Variants in MSRB1 observed in about 807,000 individuals in gnomAD.
MSRB1 encodes methionine sulfoxide reductase B1, also known as methionine-R-sulfoxide reductase B1.
MSRB1 carries 13 observed loss-of-function variants against 15.2 expected under a neutral mutation model. The ratio of observed to expected loss-of-function variants is 0.86; its 90% CI spans 0.56 to 1.36. The LOEUF (loss-of-function observed/expected upper bound fraction) is 1.36. Ranked by LOEUF, MSRB1 falls within the 40% of genes most tolerant of loss-of-function variation. The pLI, the probability that MSRB1 is intolerant of heterozygous loss-of-function variation, is 0.00. For synonymous variants in MSRB1, 68 were observed against 64.5 expected (o/e 1.05, Z -0.26); for missense variants, 174 against 155.9 (o/e 1.12, Z -0.62).
At chr16:1,940,522 G>C (rs920507820) in intron 3 of MSRB1, among the ~76,000 whole-genome samples, 3 of 152,270 alleles carry the variant, frequency 2.0e-5, no homozygotes, top group African/African-American at 7.2e-5. Flanking sequence ...GGCCTCTGAG[G>C]AAAACCATTT....
At position 1,938,450 on chromosome 16, in the gene MSRB1, C is replaced by T. The variant is rs1376554170; in HGVS notation, c.*662G>A. 2.6e-5 allele frequency: 4 copies of T among 154,244 alleles called. No individual in the cohort carries two copies. The highest frequency in any genetic ancestry group is 2.6e-4 in the Admixed American group (4 of 15,630). The allele number at this position is 154,244 out of a possible 1,614,324, so 9.6% of individuals were successfully genotyped here. ...GGTTAGAGTTATGGAGCAACAGCCGCTTTCCTAAGCAGAAGTGAGGCAAGC... is the reference window on the plus strand; with the variant it reads ...GGTTAGAGTTATGGAGCAACAGCCGTTTTCCTAAGCAGAAGTGAGGCAAGC... On this transcript the variant is annotated 3_prime_UTR_variant, in exon 4 of 4. Coordinates refer to ENST00000361871, the MANE Select transcript of MSRB1 (RefSeq NM_016332.4).
In MSRB1 at chr16:1,939,106, G is replaced by A. The variant is rs2083058120; in HGVS notation, c.*6C>T. On this transcript the variant is annotated 3_prime_UTR_variant, in exon 4 of 4. Transcript: ENST00000361871. ...TGGCCGTCTGGGGTGGGTGTGGGCT[G>A]CCCGCCTAGTGACCCTGGGAGGCAG... The A allele has an allele frequency of 1.9e-6, 3 of 1,612,212 alleles. No homozygotes were observed. The highest frequency in any genetic ancestry group is 1.1e-5 in the South Asian group (1 of 91,024).
Position 1,940,704 on chromosome 16 carries a change from G to A in MSRB1, c.319+74C>T, listed in dbSNP as rs2083070855. 5.9e-6 allele frequency: 9 copies of A among 1,516,276 alleles called. No homozygotes were observed. In the Admixed American group the frequency reaches 7.9e-5, roughly 13 times the overall value. The allele number at this position is 1,516,276 out of a possible 1,614,324, so 93.9% of individuals were successfully genotyped here. ...ATACCTTGTCATGGTAAGTGGACAA[G>A]CACAAACACTGGGCCCCCCAGCCTG... On this transcript the variant is annotated intron_variant, in intron 3 of 3. Coordinates refer to ENST00000361871, the MANE Select transcript of MSRB1 (RefSeq NM_016332.4).
In MSRB1 at chr16:1,940,753, C is replaced by T. The variant is rs759116211; in HGVS notation, c.319+25G>A. On this transcript the variant is annotated intron_variant, in intron 3 of 3. Coordinates refer to ENST00000361871, the MANE Select transcript of MSRB1 (RefSeq NM_016332.4). ...TGGGCTCAAAGGCCAACAGGCCTGG[C>T]CCCAGCTGTGCAAAGCAAGCTCACC... The T allele has an allele frequency of 3.7e-6, 6 of 1,600,154 alleles. No individual in the cohort carries two copies. The Admixed American group carries it at 8.4e-5, about 22-fold the overall frequency.
intron 1 of MSRB1, chr16:1,941,756 C>T (rs928430850): frequency 1.2e-5 from 3 of 252,128 alleles, no homozygotes; most frequent in South Asian, 1.1e-4. Flanking sequence ...AGCTCCCCCT[C>T]GCCCCCCTAG....
chr16:1,943,071 T>G, intron 1 of MSRB1, 31 bp downstream of exon 1: 1 of 1,550,066 alleles, frequency 6.5e-7, no homozygotes, highest in Non-Finnish European at 8.7e-7. Context: ...CCCGCCGCGC[T>G]GCCCTCCCAG....
At chr16:1,940,634 T>C in intron 3 of MSRB1, 144 bp downstream of exon 3, 1 of 1,062,738 alleles carries the variant, frequency 9.4e-7, no homozygotes, top group Non-Finnish European at 1.3e-6. Context: ...GCCACCTTTC[T>C]GGGGGATCCT....
Position 1,943,179 on chromosome 16 carries a change from G to A in MSRB1, c.-23C>T. The stretch of plus-strand genomic sequence containing the variant: ...CATGGCGCCACCGGAACCGCAGCGC[G>A]CTTGCCGCTGCCAACTGACCAAAGG... On this transcript the variant is annotated 5_prime_UTR_variant, in exon 1 of 4. Transcript: ENST00000361871. 1 of 1,552,524 alleles carries A rather than the reference G, an allele frequency of 6.4e-7. No individual in the cohort carries two copies. The highest frequency in any genetic ancestry group is 8.7e-7 in the Non-Finnish European group (1 of 1,148,178).
At chr16:1,941,515 TA>T in intron 1 of MSRB1, 110 bp from the exon 2 acceptor site, 1 of 1,400,020 alleles carries the variant, frequency 7.1e-7, no homozygotes, top group Non-Finnish European at 9.5e-7. Context: ...GTTCCGAGGG[TA>T]GGCTGTGCTC....
At chr16:1,941,540 C>T in intron 1 of MSRB1, 135 bp from the exon 2 acceptor site, 1 of 1,264,234 alleles carries the variant, frequency 7.9e-7, no homozygotes, top group East Asian at 2.5e-5. Context: ...CCCCAGGCAC[C>T]CGCCACGGGA....
rs371957887 is a variant in MSRB1 at position 1,943,116 on chromosome 16, T to C, written c.41A>G (p.Asn14Ser). 1.7e-5 allele frequency: 26 copies of C among 1,560,930 alleles called. No homozygotes were observed. In the African/African-American group the frequency reaches 2.9e-4, roughly 17 times the overall value. Residue 14 changes from asparagine to serine, a missense_variant, in exon 1 of 4, where the codon AAT becomes AGT. By Grantham distance (46) the Asn-to-Ser change is conservative. Coordinates refer to ENST00000361871, the MANE Select transcript of MSRB1 (RefSeq NM_016332.4). ...CSFFGGEVFQ[N>S]HFEPGVYVCA... ...GCAGGACCAACCAGGTTCAAAGTGA[T>C]TCTGGAAAACCTCGCCCCCGAAGAA...
Position 1,943,143 on chromosome 16 carries a change from C to T in MSRB1, c.14G>A (p.Ser5Asn). ...CTGGAAAACCTCGCCCCCGAAGAAGCTGCAGAACGACATGGCGCCACCGGA... is the reference window on the plus strand; with the variant it reads ...CTGGAAAACCTCGCCCCCGAAGAAGTTGCAGAACGACATGGCGCCACCGGA... MSFCSFFGGEVFQNH... is the reference protein window; with the variant it reads MSFCNFFGGEVFQNH... Residue 5 changes from serine (S) to asparagine (N), a missense_variant, in exon 1 of 4, where the codon AGC (serine) becomes AAC (asparagine). Transcript: ENST00000361871. 6.4e-7 allele frequency: 1 copy of T among 1,562,130 alleles called. No individual in the cohort carries two copies. The highest frequency in any genetic ancestry group is 1.4e-5 in the African/African-American group (1 of 73,552).
In MSRB1 at chr16:1,941,276, T is replaced by A. The variant is rs201010715; in HGVS notation, c.185A>T (p.Asn62Ile). 4.3e-6 allele frequency: 7 copies of A among 1,612,760 alleles called. No homozygotes were observed. Among genetic ancestry groups the A allele is most frequent in the Non-Finnish European group, 5.9e-6 (7 of 1,179,860 alleles). Residue 62 changes from asparagine (N) to isoleucine (I), a missense_variant, in exon 2 of 4, where the codon AAT becomes ATT. By Grantham distance (149) the Asn-to-Ile change is moderately radical. Coordinates refer to ENST00000361871, the MANE Select transcript of MSRB1 (RefSeq NM_016332.4). The stretch of plus-strand genomic sequence containing the variant: ...TCTCACCTTCAAGGCTTCAGATCTA[T>A]TGTGCTCCGGACGCTTGGCCACGCT... Reference protein sequence around the residue: ...ADSVAKRPEHNRSEALKVSCG... With the variant: ...ADSVAKRPEHIRSEALKVSCG...
Position 1,939,134 on chromosome 16 carries a change from GT to G in MSRB1, c.328del (p.Thr110LeufsTer?). ...CGCCTAGTGACCCTGGGAGGCAGAA[GT>G]TTCTTTGCCTGAAAGAGAGGAGAGG... ...SLKFVPKGKE[T>X]SASQGH On this transcript the variant is annotated frameshift_variant, in exon 4 of 4. Transcript: ENST00000361871. LOFTEE classifies it high-confidence loss of function. 6.2e-7 allele frequency: 1 copy of G among 1,608,568 alleles called. No homozygotes were observed. The highest frequency in any genetic ancestry group is 8.5e-7 in the Non-Finnish European group (1 of 1,178,366).
At chr16:1,939,870 C>T (rs1007235684) in intron 3 of MSRB1, among the ~76,000 whole-genome samples, 1 of 151,298 alleles carries the variant, frequency 6.6e-6, no homozygotes, top group Non-Finnish European at 1.5e-5. Context: ...AGAAGAATCA[C>T]TTGAACCTGG....
chr16:1,939,249 A>C, intron 3 of MSRB1, 106 bp from the exon 4 acceptor site: 3 of 1,256,764 alleles, frequency 2.4e-6, no homozygotes. Context: ...GCAGAAAGCA[A>C]GTCACTGCAA....
Position 1,943,136 on chromosome 16 carries a change from GAAGAAGCTGCA to G in MSRB1, c.10_20del (p.Cys4ArgfsTer10). Reference sequence around the variant, plus strand: ...AGTGATTCTGGAAAACCTCGCCCCCGAAGAAGCTGCAGAACGACATGGCGCCACCGGAACCG... The same window carrying G: ...AGTGATTCTGGAAAACCTCGCCCCCGGAACGACATGGCGCCACCGGAACCG... On this transcript the variant is annotated frameshift_variant, in exon 1 of 4. Coordinates refer to ENST00000361871, the MANE Select transcript of MSRB1 (RefSeq NM_016332.4). LOFTEE classifies it high-confidence loss of function. 1.9e-6 allele frequency: 3 copies of G among 1,562,794 alleles called. No individual in the cohort carries two copies. The highest frequency in any genetic ancestry group is 2.6e-6 in the Non-Finnish European group (3 of 1,153,566).
Position 1,941,016 on chromosome 16 carries a change from A to T in MSRB1, c.205-124T>A, listed in dbSNP as rs546204966. 2.6e-6 allele frequency: 4 copies of T among 1,556,900 alleles called. No individual in the cohort carries two copies. The African/African-American group carries it at 5.4e-5, about 21-fold the overall frequency. ...CCTATTTCCCAAGCTGACCGCCGAC[A>T]TAAGAGGTTGACCTTTGTCCTGGAG... On this transcript the variant is annotated intron_variant, in intron 2 of 3. Transcript: ENST00000361871.
chr16:1,939,385 C>G (rs934610923), intron 3 of MSRB1, among the ~76,000 whole-genome samples: 1 of 152,188 alleles, frequency 6.6e-6, no homozygotes, highest in East Asian at 1.9e-4. Context: ...TTCTGACATC[C>G]ACAGGAGAAC....
Sources: gnomAD v4.1 joint callset for allele counts (sites outside exome capture counted in the v4.1 genomes callset) on GRCh38, gnomAD v4.1.1 for gene constraint, MANE v1.5 for transcripts, NCBI Gene and HGNC (gene_info 2026-07-23, HGNC 2026-07-21) for gene names.